The following SNX11 variants were observed in gnomAD, a reference collection of about 807,000 sequenced individuals.
SNX11 encodes sorting nexin 11.
A neutral mutation model predicts 30.7 loss-of-function variants in SNX11; 19 were observed. That is an observed-to-expected ratio of 0.62 (90% CI 0.43 to 0.91). The LOEUF is 0.91. SNX11 is among the 40% of genes least tolerant of loss of function. SNX11 has a pLI of 0.00. For missense variants in SNX11, 302 were observed against 326.7 expected (o/e 0.92, Z 0.58); for synonymous variants, 112 against 119.0 (o/e 0.94, Z 0.38).
rs376887931 is a variant in SNX11 at position 48,119,199 on chromosome 17, C to T, written c.539+13C>T. 3.6e-5 allele frequency: 57 copies of T among 1,600,680 alleles called. No individual in the cohort carries two copies. The highest frequency in any genetic ancestry group is 4.2e-5 in the Non-Finnish European group (49 of 1,168,696). ...ACCAGCCTAAGAGGTAACTGGAGTA[C>T]TCTTTGAGATAGCAGGGGCTAGGTT... On this transcript the variant is annotated intron_variant, in intron 6 of 6. Coordinates refer to ENST00000359238, the MANE Select transcript of SNX11 (RefSeq NM_013323.3).
chr17:48,116,837 A>G (rs961953842), intron 4 of SNX11, among the ~76,000 whole-genome samples: 1 of 148,040 alleles, frequency 6.8e-6, no homozygotes. Context: ...AAGTGCTGCT[A>G]TTACAGGTGT....
intron 4 of SNX11, among the ~76,000 whole-genome samples, chr17:48,117,222 A>AT (rs1306447964): frequency 2.1e-5 from 3 of 141,004 alleles, no homozygotes; most frequent in Non-Finnish European, 4.6e-5. Context: ...CGCCTGGCTA[A>AT]TTATGTATTT....
chr17:48,114,457 C>CTTTT (rs34029008), intron 4 of SNX11, among the ~76,000 whole-genome samples: 3 of 123,484 alleles, frequency 2.4e-5, no homozygotes, highest in South Asian at 2.6e-4. Context: ...CCCAGGCCTT[C>CTTTT]TTTTTTTTTT....
intron 1 of SNX11, chr17:48,111,000 T>G: frequency 1.4e-6 from 1 of 737,184 alleles, no homozygotes; most frequent in Non-Finnish European, 1.7e-6. Context: ...AACTGCCACA[T>G]TGGGGAAAAT....
Position 48,112,345 on chromosome 17 carries a change from T to C in SNX11, c.43-229T>C, listed in dbSNP as rs151251392. ...CATGGGGGCAGGCACTTACGTCTCT[T>C]GTTCATGCTTTATCCCCAGTGCCTA... On this transcript the variant is annotated intron_variant, in intron 2 of 6. Coordinates refer to ENST00000359238, the MANE Select transcript of SNX11 (RefSeq NM_013323.3). The C allele has an allele frequency of 4.1e-4, 259 of 628,882 alleles. No individual in the cohort carries two copies. In the African/African-American group the frequency reaches 4.4e-3, roughly 11 times the overall value. 39.0% of individuals were successfully genotyped at this position (628,882 alleles called of 1,614,324 possible).
At chr17:48,109,504 C>G (rs545082236) in intron 1 of SNX11, among the ~76,000 whole-genome samples, 1 of 151,802 alleles carries the variant, frequency 6.6e-6, no homozygotes, top group African/African-American at 2.4e-5. Flanking sequence ...GTATTTCGCC[C>G]GCCTCGGCCT....
intron 1 of SNX11, among the ~76,000 whole-genome samples, chr17:48,111,704 A>G (rs912952797): frequency 6.6e-6 from 1 of 151,066 alleles, no homozygotes; most frequent in Non-Finnish European, 1.5e-5. Context: ...TTGTGCCTGC[A>G]TTCTTCAAGG....
intron 2 of SNX11, 143 bp from the exon 3 acceptor site, chr17:48,112,431 G>C (rs1598330734): frequency 1.5e-6 from 1 of 687,816 alleles, no homozygotes; most frequent in African/African-American, 1.8e-5. Flanking sequence ...TGACTGAATT[G>C]AGTGAATGAA....
chr17:48,116,436 T>C (rs537679324), intron 4 of SNX11, among the ~76,000 whole-genome samples: 1 of 152,096 alleles, frequency 6.6e-6, no homozygotes, highest in East Asian at 1.9e-4. Flanking sequence ...GGCTGGTCTC[T>C]CAAACTCCTT....
chr17:48,115,658 G>A (rs1228292151), intron 4 of SNX11, among the ~76,000 whole-genome samples: 1 of 151,874 alleles, frequency 6.6e-6, no homozygotes, highest in Non-Finnish European at 1.5e-5. Flanking sequence ...AGACATATGA[G>A]AGCCTAGGGA....
chr17:48,112,678 CTGTAT>C lies in SNX11; in HGVS notation c.129+21_129+25del. 6.4e-7 allele frequency: 1 copy of C among 1,554,180 alleles called. No individual in the cohort carries two copies. The highest frequency in any genetic ancestry group is 1.4e-5 in the African/African-American group (1 of 73,362). On this transcript the variant is annotated intron_variant, in intron 3 of 6. Transcript: ENST00000359238. ...TCCTCCATGTGAGTACATCAAGCTT[CTGTAT>C]TGGGGTCAGCGCTCTGCAGGGCTGA...
At chr17:48,112,714 T>A in intron 3 of SNX11, 54 bp downstream of exon 3, 1 of 1,191,426 alleles carries the variant, frequency 8.4e-7, no homozygotes, top group Non-Finnish European at 1.2e-6. Flanking sequence ...GCTGAGGGGC[T>A]TGTACTGAGG....
At chr17:48,112,489 T>C (rs964142134) in intron 2 of SNX11, 85 bp from the exon 3 acceptor site, 56 of 804,220 alleles carry the variant, frequency 7.0e-5, no homozygotes, top group Non-Finnish European at 1.1e-4. Context: ...TGAAAGTTGG[T>C]GTTGGGTGGA....
Position 48,121,410 on chromosome 17 carries a change from G to A in SNX11, c.715G>A (p.Glu239Lys). The A allele has an allele frequency of 6.2e-7, 1 of 1,614,236 alleles. No homozygotes were observed. The highest frequency in any genetic ancestry group is 1.3e-5 in the African/African-American group (1 of 75,066). The change falls in exon 7 of 7, where the codon GAG (glutamate) becomes AAG (lysine). Residue 239 changes from glutamate to lysine, a missense_variant. Coordinates refer to ENST00000359238, the MANE Select transcript of SNX11 (RefSeq NM_013323.3). ...ATGCTGTGATTTTGGAAGACCCAAA[G>A]AGGGAACCTCCACTCTTCAGTCTGT... ...PLCCDFGRPK[E>K]GTSTLQSVRR... is the part of the protein sequence containing the mutation.
At chr17:48,113,858 G>GTTT (rs1250987104) in intron 4 of SNX11, among the ~76,000 whole-genome samples, 2 of 137,816 alleles carry the variant, frequency 1.5e-5, no homozygotes, top group Non-Finnish European at 3.2e-5. Context: ...GGGAAATAAT[G>GTTT]TTTTTTTTTT....
In SNX11 at chr17:48,112,057, G is replaced by A. The variant is rs1185071903; in HGVS notation, c.14G>A (p.Cys5Tyr). Residue 5 changes from cysteine to tyrosine, a missense_variant, in exon 2 of 7, where the codon TGT (cysteine) becomes TAT (tyrosine). Transcript: ENST00000359238. ...TGTTTCCTTCCAATGGGCTTTTGGT[G>A]TAGGATGTCGGAGAACCAAGAACAG... MGFW[C>Y]RMSENQEQEE... The A allele has an allele frequency of 6.2e-6, 10 of 1,613,796 alleles. No individual in the cohort carries two copies. Among genetic ancestry groups the A allele is most frequent in the South Asian group, 1.1e-5 (1 of 91,076 alleles).
At chr17:48,118,615 TCTTTTTAAGGGATTTC>T (rs2063568110) in intron 4 of SNX11, 73 bp from the exon 5 acceptor site, 6 of 855,810 alleles carry the variant, frequency 7.0e-6, no homozygotes, top group Admixed American at 4.4e-5. Flanking sequence ...TGATTAGACC[TCTTTTTAAGGGATTTC>T]CTTGATCAGA....
At position 48,116,865 on chromosome 17, in the gene SNX11, CT is replaced by C. The variant is rs143715469; in HGVS notation, c.231-1825del. On this transcript the variant is annotated intron_variant, in intron 4 of 6. Transcript: ENST00000359238. ...ACAGGTGTGAGCCACTGCGCCCGGC[CT>C]TTTTTTTTTTTTTGAGATGGAGTCT... 7.2e-3 allele frequency among the ~76,000 whole-genome samples: 1,000 copies of C among 139,238 alleles called. 1 individual carries two copies. Among genetic ancestry groups the C allele is most frequent in the African/African-American group, 0.011 (437 of 38,098 alleles). 91.3% of individuals were successfully genotyped at this position (139,238 alleles called of 152,430 possible). A position where few individuals can be genotyped will look rare whatever the true frequency, so the allele number is the denominator to read the frequency against.
Position 48,121,847 on chromosome 17 carries a change from G to A in SNX11, c.*339G>A. On this transcript the variant is annotated 3_prime_UTR_variant, in exon 7 of 7. Transcript: ENST00000359238. Reference sequence around the variant, plus strand: ...GGTGACCAGTTTTGGGGACCCGTATGTGGCAAATTCTAAGCTGCCATATTG... The same window carrying A: ...GGTGACCAGTTTTGGGGACCCGTATATGGCAAATTCTAAGCTGCCATATTG... 1 of 238,974 alleles carries A rather than the reference G, an allele frequency of 4.2e-6. No individual in the cohort carries two copies. The highest frequency in any genetic ancestry group is 8.2e-6 in the Non-Finnish European group (1 of 121,936). The allele number at this position is 238,974 out of a possible 1,614,324, so 14.8% of individuals were successfully genotyped here.
Sources: gnomAD v4.1 joint callset for allele counts (sites outside exome capture counted in the v4.1 genomes callset) on GRCh38, gnomAD v4.1.1 for gene constraint, MANE v1.5 for transcripts, NCBI Gene and HGNC (gene_info 2026-07-23, HGNC 2026-07-21) for gene names.